The following ZPBP variants were observed in gnomAD, a reference collection of about 807,000 sequenced individuals.
ZPBP encodes the protein zona pellucida binding protein.
In ZPBP, 26 loss-of-function variants were observed where a neutral mutation model predicts 44.8. The observed-to-expected ratio is 0.58, with a 90% CI of 0.43 to 0.81. The LOEUF is 0.81. Among genes scored for constraint, ZPBP ranks in the 30% least tolerant of loss-of-function variants. The pLI is 0.00. For missense variants in ZPBP, 409 were observed against 434.0 expected (o/e 0.94, Z 0.51); for synonymous variants, 174 against 153.2 (o/e 1.14, Z -1.00).
chr7:49,853,713 A>AT lies in ZPBP; in HGVS notation n.510-3200dup, dbSNP rs1790292814. ...TCTTTAGGAGCATTAAAAACATTTA[A>AT]TTTTTTATTTTTTTATTATACTTTA... On this transcript the variant is annotated intron_variant and non_coding_transcript_variant, in intron 2 of 2. Coordinates refer to the ZPBP transcript ENST00000465922. 2.6e-5 allele frequency among the ~76,000 whole-genome samples: 4 copies of AT among 151,914 alleles called. No homozygotes were observed. The South Asian group carries it at 8.3e-4, about 32-fold the overall frequency.
At chr7:49,902,423 A>C (rs1792805619) in intron 1 of ZPBP, among the ~76,000 whole-genome samples, 1 of 152,064 alleles carries the variant, frequency 6.6e-6, no homozygotes, top group African/African-American at 2.4e-5. Flanking sequence ...ACACAGAAAC[A>C]GACCCACAAC....
intron 1 of ZPBP, chr7:49,914,084 C>T (rs1793597117): frequency 6.6e-6 from 1 of 152,160 alleles, no homozygotes. Context: ...GCCATCCCTC[C>T]TTTATTCAAG....
At chr7:49,850,584 C>T (rs1790137642) in intron 2 of ZPBP, 1 of 152,194 alleles carries the variant, frequency 6.6e-6, no homozygotes, top group Non-Finnish European at 1.5e-5. Flanking sequence ...ACACAGCAGC[C>T]TCATCAGTTT....
At chr7:49,875,729 CTTTG>C (rs1791390107) in intron 2 of ZPBP, among the ~76,000 whole-genome samples, 1 of 152,120 alleles carries the variant, frequency 6.6e-6, no homozygotes, top group African/African-American at 2.4e-5. Flanking sequence ...ATGAGAATTA[CTTTG>C]TTTAACAGGC....
At chr7:50,072,232 G>A (rs553079244) in intron 3 of ZPBP, among the ~76,000 whole-genome samples, 4 of 152,236 alleles carry the variant, frequency 2.6e-5, no homozygotes, top group Non-Finnish European at 5.9e-5. Context: ...TGGCCTGGGG[G>A]TGGTGGTGGC....
At chr7:50,074,289 C>T (rs765916033) in intron 3 of ZPBP, among the ~76,000 whole-genome samples, 1 of 151,406 alleles carries the variant, frequency 6.6e-6, no homozygotes, top group South Asian at 2.1e-4. Flanking sequence ...AATGGATACA[C>T]AAAAAATAAA....
intron 3 of ZPBP, among the ~76,000 whole-genome samples, chr7:50,074,153 T>A (rs771794565): frequency 6.6e-6 from 1 of 152,056 alleles, no homozygotes; most frequent in Non-Finnish European, 1.5e-5. Context: ...AATTAAGGCA[T>A]AGAGTTTTTA....
intron 5 of ZPBP, among the ~76,000 whole-genome samples, chr7:50,024,156 T>C (rs977718828): frequency 3.3e-5 from 5 of 151,980 alleles, no homozygotes; most frequent in Non-Finnish European, 1.5e-5. Flanking sequence ...AGATGATAGA[T>C]AATGTAGTGG....
In ZPBP at chr7:49,978,044, C is replaced by T. The variant is rs114911531; in HGVS notation, c.961+5298G>A. 4.3e-3 allele frequency among the ~76,000 whole-genome samples: 639 copies of T among 150,174 alleles called. 3 individuals carry two copies. Among genetic ancestry groups the T allele is most frequent in the African/African-American group, 0.015 (619 of 41,008 alleles). ...ATCTGGGGTATTATGTCAAAGAATGCTACTTGATCTACAAGTTTGTTTGTT... is the reference window on the plus strand; with the variant it reads ...ATCTGGGGTATTATGTCAAAGAATGTTACTTGATCTACAAGTTTGTTTGTT... On this transcript the variant is annotated intron_variant, in intron 7 of 7. Coordinates refer to ENST00000046087, the MANE Select transcript of ZPBP (RefSeq NM_007009.3).
chr7:49,890,697 T>C (rs188986964), intron 2 of ZPBP, among the ~76,000 whole-genome samples: 4 of 145,596 alleles, frequency 2.7e-5, no homozygotes, highest in African/African-American at 1.0e-4. Context: ...ATCTAAGGGA[T>C]AGAATGCACA....
Position 49,865,115 on chromosome 7 carries a change from T to C in ZPBP, n.510-14601A>G, listed in dbSNP as rs115027541. On this transcript the variant is annotated intron_variant and non_coding_transcript_variant, in intron 2 of 2. Coordinates refer to the ZPBP transcript ENST00000465922. Reference sequence around the variant, plus strand: ...CATGTTTTCTTGCTGAAATTTGCCATGTAAAGATGTAATTGATTTTGTATA... The same window carrying C: ...CATGTTTTCTTGCTGAAATTTGCCACGTAAAGATGTAATTGATTTTGTATA... 7.5e-3 allele frequency among the ~76,000 whole-genome samples: 1,141 copies of C among 152,334 alleles called. 23 individuals carry two copies. Among genetic ancestry groups the C allele is most frequent in the African/African-American group, 0.026 (1,081 of 41,576 alleles).
intron 6 of ZPBP, among the ~76,000 whole-genome samples, chr7:50,007,085 C>T (rs6973660): frequency 0.26 from 39,496 of 151,618 alleles, 6,457 homozygotes; most frequent in Non-Finnish European, 0.37. Flanking sequence ...TGAGAACCAA[C>T]CAAGAGAAGG....
chr7:50,029,827 TTGTTGTTGTTGTTGTTGC>T (rs1231047365), intron 5 of ZPBP, among the ~76,000 whole-genome samples: 4 of 122,356 alleles, frequency 3.3e-5, no homozygotes, highest in Admixed American at 7.8e-5. Context: ...CTTTTGTTTT[TTGTTGTTGTTGTTGTTGC>T]TGTTGTTGTT....
chr7:50,030,283 G>A (rs1243553019), intron 5 of ZPBP, among the ~76,000 whole-genome samples: 3 of 152,032 alleles, frequency 2.0e-5, no homozygotes, highest in East Asian at 1.9e-4. Context: ...GGAGGGCAGA[G>A]GAGAAGGAAA....
chr7:49,900,183 C>T (rs529593308), intron 2 of ZPBP, among the ~76,000 whole-genome samples: 9 of 151,298 alleles, frequency 5.9e-5, no homozygotes, highest in Non-Finnish European at 8.9e-5. Flanking sequence ...GAAAGCAGGA[C>T]TTTAGGGACA....
At chr7:50,006,459 T>C (rs903120894) in intron 6 of ZPBP, among the ~76,000 whole-genome samples, 11 of 152,024 alleles carry the variant, frequency 7.2e-5, no homozygotes, top group African/African-American at 2.4e-4. Flanking sequence ...TATGATTAAA[T>C]TAAATACTGG....
At chr7:50,001,314 T>A (rs1270467980) in intron 6 of ZPBP, among the ~76,000 whole-genome samples, 3 of 152,190 alleles carry the variant, frequency 2.0e-5, no homozygotes, top group East Asian at 3.8e-4. Context: ...CGGTATTTGC[T>A]ATGACAGGAA....
chr7:49,981,296 AT>A lies in ZPBP; in HGVS notation c.961+2045del, dbSNP rs1562818891. Among the ~76,000 whole-genome samples the A allele has an allele frequency of 6.7e-4, 46 of 68,330 alleles. 3 individuals carry two copies. In the South Asian group the frequency reaches 0.021, roughly 31 times the overall value. The allele number at this position is 68,330 out of a possible 152,430, so 44.8% of individuals were successfully genotyped here. A position where few individuals can be genotyped will look rare whatever the true frequency, so the allele number is the denominator to read the frequency against. ...ATATAATATATATTATATAATATAT[AT>A]TATATATAATTATATATTATATAAT... On this transcript the variant is annotated intron_variant, in intron 7 of 7. Transcript: ENST00000046087.
chr7:50,045,202 G>T (rs1231651372), intron 4 of ZPBP, among the ~76,000 whole-genome samples: 1 of 152,120 alleles, frequency 6.6e-6, no homozygotes, highest in Non-Finnish European at 1.5e-5. Flanking sequence ...CATAATAAAT[G>T]GGCAAAAGCT....
Sources: allele counts gnomAD v4.1 joint callset (sites outside exome capture counted in the v4.1 genomes callset), GRCh38; gene constraint gnomAD v4.1.1; transcripts MANE v1.5; gene names NCBI Gene and HGNC (gene_info 2026-07-23, HGNC 2026-07-21).